The following PRPF31 variants were observed in gnomAD, a reference collection of about 807,000 sequenced individuals.
PRPF31 encodes the protein pre-mRNA processing factor 31.
PRPF31 carries 12 observed loss-of-function variants against 60.4 expected under a neutral mutation model. That is an observed-to-expected ratio of 0.20 (90% CI 0.13 to 0.32). The LOEUF (loss-of-function observed/expected upper bound fraction) is 0.32. Among genes scored for constraint, PRPF31 ranks in the 10% least tolerant of loss-of-function variants. PRPF31 has a pLI of 1.00. For missense variants in PRPF31, 431 were observed against 687.1 expected (o/e 0.63, Z 4.17); for synonymous variants, 287 against 287.9 (o/e 1.00, Z 0.03).
At chr19:54,119,077 T>A (rs991404669) in intron 3 of PRPF31, among the ~76,000 whole-genome samples, 1 of 152,130 alleles carries the variant, frequency 6.6e-6, no homozygotes, top group Non-Finnish European at 1.5e-5. Flanking sequence ...AAAATAGATA[T>A]ATAATTATTT....
At chr19:54,125,126 G>T (rs1255662137) in intron 8 of PRPF31, 7 of 227,056 alleles carry the variant, frequency 3.1e-5, no homozygotes, top group Non-Finnish European at 5.4e-5. Context: ...ACCAACCTCG[G>T]AGCTTCCCGG....
At chr19:54,118,738 C>T in intron 3 of PRPF31, 105 bp downstream of exon 3, 1 of 1,128,626 alleles carries the variant, frequency 8.9e-7, no homozygotes, top group Non-Finnish European at 1.3e-6. Flanking sequence ...TCAGCCTTTT[C>T]CAGAGCCTTC....
chr19:54,128,510 C>T (rs373552345), intron 11 of PRPF31, 133 bp downstream of exon 11: 15 of 938,626 alleles, frequency 1.6e-5, no homozygotes, highest in Middle Eastern at 3.2e-4. Flanking sequence ...CCTCCCCCCC[C>T]CCGGCCTCTA....
At chr19:54,124,120 C>G (rs1444584728) in intron 7 of PRPF31, 17 of 1,140,148 alleles carry the variant, frequency 1.5e-5, no homozygotes, top group Middle Eastern at 5.8e-4. Flanking sequence ...CTCCTTCTCC[C>G]TCCCCTGTGC....
intron 5 of PRPF31, chr19:54,123,229 C>T (rs756474575): frequency 4.9e-6 from 3 of 606,684 alleles, no homozygotes; most frequent in African/African-American, 1.8e-5. Context: ...GCCCGGGCTC[C>T]GTTTCCAGGT....
intron 3 of PRPF31, among the ~76,000 whole-genome samples, chr19:54,119,139 T>C (rs1291461497): frequency 2.0e-5 from 3 of 152,166 alleles, no homozygotes; most frequent in Admixed American, 1.3e-4. Context: ...TCCCAGCACT[T>C]TGGGAGGCGG....
chr19:54,118,193 G>T (rs995635633), intron 1 of PRPF31, 78 bp from the exon 2 acceptor site: 6 of 1,599,892 alleles, frequency 3.8e-6, no homozygotes, highest in African/African-American at 1.3e-5. Flanking sequence ...AGGGTCTTCT[G>T]GGGGAGAATC....
In PRPF31 at chr19:54,129,209, C is replaced by T. The variant is rs755850406; in HGVS notation, c.1275+24C>T. The T allele has an allele frequency of 2.5e-6, 4 of 1,595,004 alleles. No individual in the cohort carries two copies. In the South Asian group the frequency reaches 4.5e-5, roughly 18 times the overall value. On this transcript the variant is annotated intron_variant, in intron 12 of 13. Transcript: ENST00000321030. ...AGGTATGGGCCAGACCCAGGTGGGG[C>T]TGGGGACCGAGGGACACAAGGTGGG...
rs587594853 is a variant in PRPF31 at position 54,128,299 on chromosome 19, C to A, written c.1074-6C>A. 6.6e-5 allele frequency: 102 copies of A among 1,547,816 alleles called. 2 individuals are homozygous for A. In the Middle Eastern group the frequency reaches 2.2e-3, roughly 33 times the overall value. On this transcript the variant is annotated splice_region_variant and splice_polypyrimidine_tract_variant and intron_variant, in intron 10 of 13. Coordinates refer to ENST00000321030, the MANE Select transcript of PRPF31 (RefSeq NM_015629.4). ...TCCCTGGCGCCGCCCACCCACCCGT[C>A]CCCAGGTACCGCAAGATGAAGGAGC...
At chr19:54,131,185 C>T (rs2146457498) in intron 13 of PRPF31, 122 bp from the exon 14 acceptor site, 2 of 1,404,242 alleles carry the variant, frequency 1.4e-6, no homozygotes, top group South Asian at 1.2e-5. Flanking sequence ...CAGGGACAGG[C>T]AAACTGTCTC....
intron 4 of PRPF31, chr19:54,122,148 T>C: frequency 3.0e-6 from 2 of 673,832 alleles, no homozygotes; most frequent in Non-Finnish European, 5.2e-6. Context: ...GTGTGGCCGC[T>C]TGGCTGCCTG....
At chr19:54,127,466 C>T (rs1333658370) in intron 9 of PRPF31, among the ~76,000 whole-genome samples, 1 of 152,162 alleles carries the variant, frequency 6.6e-6, no homozygotes, top group East Asian at 1.9e-4. Flanking sequence ...ATAGTCTTCC[C>T]AGCTCACAAT....
At chr19:54,118,861 G>A (rs1568582662) in intron 3 of PRPF31, 8 of 579,870 alleles carry the variant, frequency 1.4e-5, no homozygotes, top group Non-Finnish European at 1.8e-5. Context: ...ATCATGATAG[G>A]ACTCAGCTTG....
At position 54,131,706 on chromosome 19, in the gene PRPF31, T is replaced by G. The variant is rs1400183298; in HGVS notation, c.*274T>G. ...GAAAAGAGTACAATTAAAAGGACATTGTCAAGATCTGTCCTTGGGGAGTGA... is the reference window on the plus strand; with the variant it reads ...GAAAAGAGTACAATTAAAAGGACATGGTCAAGATCTGTCCTTGGGGAGTGA... On this transcript the variant is annotated 3_prime_UTR_variant, in exon 14 of 14. Coordinates refer to ENST00000321030, the MANE Select transcript of PRPF31 (RefSeq NM_015629.4). 3.7e-6 allele frequency: 2 copies of G among 543,390 alleles called. No homozygotes were observed. Among genetic ancestry groups the G allele is most frequent in the Admixed American group, 3.1e-5 (1 of 32,194 alleles). The allele number at this position is 543,390 out of a possible 1,614,324, so 33.7% of individuals were successfully genotyped here.
chr19:54,122,295 C>T, intron 4 of PRPF31: 1 of 696,062 alleles, frequency 1.4e-6, no homozygotes. Context: ...CACTGCAGCT[C>T]ACGTTTTACA....
rs587640262 is a variant in PRPF31, at chr19:54,128,598, G to A, written c.1146+221G>A. Among the ~76,000 whole-genome samples, 22 of 142,590 alleles carry A rather than the reference G, an allele frequency of 1.5e-4. No homozygotes were observed. The South Asian group carries it at 3.9e-3, about 25-fold the overall frequency. The allele number at this position is 142,590 out of a possible 152,430, so 93.5% of individuals were successfully genotyped here. A position where few individuals can be genotyped will look rare whatever the true frequency, so the allele number is the denominator to read the frequency against. Reference sequence around the variant, plus strand: ...TGTGTCTCCGCTGCTTAGAGCCCCCGCGGCTTCCCATCGCCCCGGGCTCCT... The same window carrying A: ...TGTGTCTCCGCTGCTTAGAGCCCCCACGGCTTCCCATCGCCCCGGGCTCCT... On this transcript the variant is annotated intron_variant, in intron 11 of 13. Transcript: ENST00000321030.
chr19:54,117,237 G>T (rs1230392962), intron 1 of PRPF31, among the ~76,000 whole-genome samples: 1 of 151,972 alleles, frequency 6.6e-6, no homozygotes, highest in Non-Finnish European at 1.5e-5. Context: ...CAGAGGAAGT[G>T]GGGGGTGGTG....
chr19:54,123,606 A>G, intron 6 of PRPF31, 46 bp downstream of exon 6: 10 of 1,609,438 alleles, frequency 6.2e-6, no homozygotes, highest in African/African-American at 1.3e-5. Flanking sequence ...GGGATTGGGG[A>G]TTAGGCTGGA....
At chr19:54,123,350 G>A (rs2073839497) in intron 5 of PRPF31, 104 bp from the exon 6 acceptor site, 2 of 872,772 alleles carry the variant, frequency 2.3e-6, no homozygotes, top group Admixed American at 1.7e-5. Flanking sequence ...GACCCTGACT[G>A]TCCCAGTGTC....
Sources: allele counts gnomAD v4.1 joint callset (sites outside exome capture counted in the v4.1 genomes callset), GRCh38; gene constraint gnomAD v4.1.1; transcripts MANE v1.5; gene names NCBI Gene and HGNC (gene_info 2026-07-23, HGNC 2026-07-21).